The following CEP112 variants were observed in gnomAD, a reference collection of about 807,000 sequenced individuals.
CEP112 encodes centrosomal protein of 112 kDa.
In CEP112, 127 loss-of-function variants were observed where a neutral mutation model predicts 153.0. The ratio of observed to expected loss-of-function variants is 0.83; its 90% CI spans 0.72 to 0.96. The LOEUF is 0.96. CEP112 is among the 40% of genes least tolerant of loss of function. The pLI, the probability that CEP112 is intolerant of heterozygous loss-of-function variation, is 0.00. For missense variants in CEP112, 1,089 were observed against 1,101.2 expected, an observed-to-expected ratio of 0.99 and a Z score of 0.16; for synonymous variants, 358 against 374.4, an observed-to-expected ratio of 0.96 and a Z score of 0.51.
At chr17:65,876,581 T>C (rs1422753088) in intron 20 of CEP112, among the ~76,000 whole-genome samples, 1 of 152,182 alleles carries the variant, frequency 6.6e-6, no homozygotes, top group Non-Finnish European at 1.5e-5. Context: ...CTTATTAACC[T>C]TTTCAACCTA....
At chr17:66,140,142 C>G (rs9893999) in intron 4 of CEP112, among the ~76,000 whole-genome samples, 3 of 151,986 alleles carry the variant, frequency 2.0e-5, no homozygotes, top group Non-Finnish European at 4.4e-5. Flanking sequence ...ATAATAAATG[C>G]GATACCCCAC....
intron 16 of CEP112, among the ~76,000 whole-genome samples, chr17:66,022,256 C>T (rs1177723663): frequency 2.6e-5 from 4 of 152,158 alleles, no homozygotes; most frequent in Non-Finnish European, 5.9e-5. Flanking sequence ...AAAAAAGTTA[C>T]ATTTCAATGA....
chr17:65,821,484 T>TATATATAATTATA (rs2056533163), intron 21 of CEP112, among the ~76,000 whole-genome samples: 1 of 130,136 alleles, frequency 7.7e-6, no homozygotes, highest in Non-Finnish European at 1.6e-5. Flanking sequence ...ATTATTAAAC[T>TATATATAATTATA]TATATATATA....
chr17:65,927,773 G>A, intron 18 of CEP112, 84 bp from the exon 19 acceptor site: 1 of 778,528 alleles, frequency 1.3e-6, no homozygotes, highest in Non-Finnish European at 1.9e-6. Context: ...TTGTTTAAAT[G>A]ACAGATTTTA....
intron 6 of CEP112, among the ~76,000 whole-genome samples, chr17:66,126,258 A>G (rs955582981): frequency 3.3e-5 from 5 of 152,222 alleles, no homozygotes; most frequent in Admixed American, 3.3e-4. Context: ...TTCCTAGTCA[A>G]CATCAAAAAC....
At chr17:65,750,590 C>T in intron 22 of CEP112, 72 bp downstream of exon 22, 2 of 1,291,020 alleles carry the variant, frequency 1.5e-6, no homozygotes, top group South Asian at 2.5e-5. Context: ...CTTGAAAGTG[C>T]CAAGGCTTTT....
chr17:65,702,883 G>T (rs981622550), intron 23 of CEP112, among the ~76,000 whole-genome samples: 3 of 152,100 alleles, frequency 2.0e-5, no homozygotes, highest in Non-Finnish European at 4.4e-5. Flanking sequence ...ACTGTCACAA[G>T]AACAGAATGG....
chr17:65,892,193 T>G (rs1431382697), intron 20 of CEP112, among the ~76,000 whole-genome samples: 1 of 152,206 alleles, frequency 6.6e-6, no homozygotes, highest in Non-Finnish European at 1.5e-5. Flanking sequence ...AAGGTGTGCA[T>G]GCCCAGCCCT....
chr17:66,012,649 C>T (rs1016738026), intron 16 of CEP112, among the ~76,000 whole-genome samples: 11 of 152,148 alleles, frequency 7.2e-5, no homozygotes, highest in African/African-American at 1.9e-4. Flanking sequence ...TTCTCTCTAG[C>T]TGTCTTTAAT....
rs1175623278 is a variant in CEP112 at position 66,120,122 on chromosome 17, T to C, written c.642+9624A>G. 1.2e-4 allele frequency among the ~76,000 whole-genome samples: 18 copies of C among 152,136 alleles called. 1 individual carries two copies. The highest frequency in any genetic ancestry group is 1.5e-5 in the Non-Finnish European group (1 of 68,014). ...CTCTTCCGGTGGAGATGGTATAGAA[T>C]TGGTATTATTTCTCCCTTAATTGTT... is the stretch of plus-strand genomic sequence containing the variant. On this transcript the variant is annotated intron_variant, in intron 6 of 26. Coordinates refer to ENST00000535342, the MANE Select transcript of CEP112 (RefSeq NM_001199165.4).
At chr17:65,707,670 A>C (rs1426434534) in intron 23 of CEP112, among the ~76,000 whole-genome samples, 3 of 152,118 alleles carry the variant, frequency 2.0e-5, no homozygotes, top group Non-Finnish European at 2.9e-5. Context: ...TTCATCTTTA[A>C]TCTTTCTGAT....
chr17:66,052,261 G>A (rs1272061223), intron 12 of CEP112, among the ~76,000 whole-genome samples: 3 of 152,156 alleles, frequency 2.0e-5, no homozygotes, highest in Non-Finnish European at 2.9e-5. Flanking sequence ...TCTACTGAAT[G>A]CATCTTACCT....
intron 23 of CEP112, among the ~76,000 whole-genome samples, chr17:65,728,361 T>C: frequency 6.6e-6 from 1 of 152,150 alleles, no homozygotes; most frequent in Non-Finnish European, 1.5e-5. Flanking sequence ...AGAGAATAGA[T>C]GGAAGAGTTG....
At chr17:66,138,160 C>G (rs117633839) in intron 4 of CEP112, among the ~76,000 whole-genome samples, 1 of 152,062 alleles carries the variant, frequency 6.6e-6, no homozygotes, top group African/African-American at 2.4e-5. Context: ...TCCATCTCCT[C>G]GCCCAACTAA....
intron 4 of CEP112, among the ~76,000 whole-genome samples, chr17:66,171,345 G>A (rs2072234276): frequency 6.6e-6 from 1 of 152,092 alleles, no homozygotes; most frequent in Non-Finnish European, 1.5e-5. Context: ...GTTTTTCAAA[G>A]GACAAGTTGA....
intron 18 of CEP112, among the ~76,000 whole-genome samples, chr17:65,937,275 C>G (rs1273798221): frequency 9.2e-6 from 1 of 109,240 alleles, no homozygotes; most frequent in Non-Finnish European, 1.9e-5. Flanking sequence ...GCCTGGCTGC[C>G]CAGTCTGGAA....
chr17:65,788,453 G>C (rs1175416095), intron 21 of CEP112, among the ~76,000 whole-genome samples: 1 of 152,094 alleles, frequency 6.6e-6, no homozygotes, highest in African/African-American at 2.4e-5. Context: ...TCCTGTCACA[G>C]ATTTTGTTTA....
chr17:65,962,874 G>GT (rs2062263806), intron 17 of CEP112, among the ~76,000 whole-genome samples: 1 of 152,206 alleles, frequency 6.6e-6, no homozygotes, highest in South Asian at 2.1e-4. Flanking sequence ...ACGTGGAACT[G>GT]TAAGTCCATT....
chr17:65,636,928 T>G, intron 26 of CEP112, 196 bp downstream of exon 26: 1 of 550,694 alleles, frequency 1.8e-6, no homozygotes, highest in Non-Finnish European at 3.2e-6. Context: ...CTCATCTTGT[T>G]TTGATAGTAC....
Sources: gnomAD v4.1 joint callset for allele counts (sites outside exome capture counted in the v4.1 genomes callset) on GRCh38, gnomAD v4.1.1 for gene constraint, MANE v1.5 for transcripts, NCBI Gene and HGNC (gene_info 2026-07-23, HGNC 2026-07-21) for gene names.